The following TRIM3 variants were observed in gnomAD, a reference collection of about 807,000 sequenced individuals.
TRIM3 encodes tripartite motif-containing protein 3.
Under a neutral mutation model 66.6 loss-of-function variants are expected in TRIM3, and 13 were observed. The observed-to-expected ratio is 0.20, with a 90% CI of 0.13 to 0.31. The LOEUF is 0.31. TRIM3 is among the 10% of genes least tolerant of loss of function. The pLI, the probability that TRIM3 is intolerant of heterozygous loss-of-function variation, is 1.00. For synonymous variants in TRIM3, 406 were observed against 411.7 expected (o/e 0.99, Z 0.17); for missense variants, 711 against 1,020.4 (o/e 0.70, Z 4.13).
chr11:6,451,189 C>G, intron 8 of TRIM3, 82 bp downstream of exon 8: 2 of 1,593,724 alleles, frequency 1.3e-6, no homozygotes, highest in Non-Finnish European at 1.7e-6. Context: ...TTGGATCAGT[C>G]CAGACCCTGA....
At chr11:6,463,629 G>A (rs185781400) in intron 2 of TRIM3, among the ~76,000 whole-genome samples, 1 of 152,352 alleles carries the variant, frequency 6.6e-6, no homozygotes, top group East Asian at 1.9e-4. Flanking sequence ...GGGAAAAGAG[G>A]GAGCAGTCAA....
rs1060069 is a variant in TRIM3 at position 6,456,787 on chromosome 11, G to C, written c.939C>G (p.Gly313=). The C allele has an allele frequency of 7.9e-4, 1,274 of 1,612,348 alleles. 15 individuals carry two copies. The African/African-American group carries it at 9.0e-3, about 11-fold the overall frequency. ...DGLRRSVLNL[G]ALLTTSATAH... is the part of the protein sequence containing the mutation. Reference sequence around the variant, plus strand: ...CAGTGGCGCTCGTGGTGAGCAGTGCGCCCAGATTGAGCACCGATCGCCGCA... The same window carrying C: ...CAGTGGCGCTCGTGGTGAGCAGTGCCCCCAGATTGAGCACCGATCGCCGCA... The change falls in exon 6 of 12, where the codon GGC becomes GGG. Residue 313 remains glycine (G), a synonymous_variant. Coordinates refer to ENST00000345851, the MANE Select transcript of TRIM3 (RefSeq NM_033278.4). The surrounding 1 kb of genome is among the most constrained non-coding windows in gnomAD (Gnocchi z 6.4).
chr11:6,465,942 C>A (rs1262690430), intron 1 of TRIM3, among the ~76,000 whole-genome samples: 1 of 152,214 alleles, frequency 6.6e-6, no homozygotes, highest in Non-Finnish European at 1.5e-5. Flanking sequence ...GGGTTTCAAA[C>A]CTGGCTCAGT....
Position 6,457,475 on chromosome 11 carries a change from A to G in TRIM3, c.517T>C (p.Leu173=). 1 of 1,612,154 alleles carries G rather than the reference A, an allele frequency of 6.2e-7. No homozygotes were observed. Among genetic ancestry groups the G allele is most frequent in the South Asian group, 1.1e-5 (1 of 90,990 alleles). The stretch of plus-strand genomic sequence containing the variant: ...GCAATTGCTGCGGACAGCTGTGGCA[A>G]TCTGGAGGGGGAATATCTCATTCCA... The part of the protein sequence containing the change: ...QRQLEAVRGR[L]PQLSAAIALV... The change falls in exon 5 of 12, where the codon TTG becomes CTG. Residue 173 remains leucine (L), a splice_region_variant and synonymous_variant. Coordinates refer to ENST00000345851, the MANE Select transcript of TRIM3 (RefSeq NM_033278.4). This position sits in a 1 kb window ranked among gnomAD's most constrained non-coding sequence, Gnocchi z 4.5.
chr11:6,469,320 C>A (rs539412764), intron 1 of TRIM3, among the ~76,000 whole-genome samples: 12 of 152,264 alleles, frequency 7.9e-5, no homozygotes, highest in Non-Finnish European at 8.8e-5. Context: ...CTCCCCCACT[C>A]CTCCCCTTCC....
intron 7 of TRIM3, chr11:6,452,716 G>A (rs1050696483): frequency 1.3e-5 from 2 of 152,186 alleles, no homozygotes; most frequent in African/African-American, 2.4e-5. Context: ...TGAGCTCCAC[G>A]AGCTAAATAG....
intron 2 of TRIM3, 43 bp downstream of exon 2, chr11:6,465,522 C>T (rs374170222): frequency 1.9e-6 from 3 of 1,611,064 alleles, no homozygotes; most frequent in South Asian, 1.1e-5. Flanking sequence ...CCTCATCCTC[C>T]CCACAGGGTC....
At position 6,458,814 on chromosome 11, in the gene TRIM3, T is replaced by TG. The variant is rs145293689; in HGVS notation, c.132-519dup. 0.027 allele frequency among the ~76,000 whole-genome samples: 4,151 copies of TG among 152,318 alleles called. 196 individuals are homozygous for TG. The highest frequency in any genetic ancestry group is 0.095 in the African/African-American group (3,940 of 41,562). The stretch of plus-strand genomic sequence containing the variant: ...AGGCTGCCCAGGCCCAACACCCCGT[T>TG]GGTCACCTGTTATACTGTATGACCC... On this transcript the variant is annotated intron_variant, in intron 2 of 11. Coordinates refer to ENST00000345851, the MANE Select transcript of TRIM3 (RefSeq NM_033278.4). This position sits in a 1 kb window ranked among gnomAD's most constrained non-coding sequence, Gnocchi z 6.2.
At chr11:6,461,031 G>A (rs1326769656) in intron 2 of TRIM3, among the ~76,000 whole-genome samples, 4 of 149,000 alleles carry the variant, frequency 2.7e-5, no homozygotes, top group African/African-American at 4.9e-5. Context: ...TCAGCCTCCC[G>A]AGCAGCTGGG....
chr11:6,463,893 T>C (rs947749355), intron 2 of TRIM3, among the ~76,000 whole-genome samples: 3 of 152,122 alleles, frequency 2.0e-5, no homozygotes, highest in African/African-American at 7.2e-5. Flanking sequence ...ACTGAGGCCA[T>C]TTCCAGTTGA....
chr11:6,463,257 G>A (rs10839566), intron 2 of TRIM3, among the ~76,000 whole-genome samples: 69,258 of 151,968 alleles, frequency 0.46, 16,307 homozygotes, highest in Non-Finnish European at 0.5. Flanking sequence ...AAAATGAAAA[G>A]TTACATTAAA....
intron 1 of TRIM3, among the ~76,000 whole-genome samples, chr11:6,466,353 A>G (rs1850469758): frequency 6.6e-6 from 1 of 152,244 alleles, no homozygotes; most frequent in African/African-American, 2.4e-5. Context: ...CTCCTGGAAT[A>G]CAGCAATAGC....
chr11:6,451,560 A>G (rs1174930099), intron 7 of TRIM3, 122 bp from the exon 8 acceptor site: 5 of 1,082,380 alleles, frequency 4.6e-6, no homozygotes, highest in Non-Finnish European at 6.6e-6. Context: ...TCATTCAACA[A>G]GCACTTACTG....
chr11:6,452,358 T>C (rs961990047), intron 7 of TRIM3: 3 of 152,226 alleles, frequency 2.0e-5, no homozygotes, highest in Non-Finnish European at 4.4e-5. Flanking sequence ...AGTCAAAACA[T>C]TACTCACTAC....
Position 6,451,328 on chromosome 11 carries a change from A to T in TRIM3, c.1644T>A (p.Ile548=), listed in dbSNP as rs1255936455. ...GVAVDTNGDI[I]VADYDNRWVS... ...CCCAACGGTTGTCATAGTCTGCCAC[A>T]ATTATGTCTCCATTGGTGTCCACTG... Residue 548 remains isoleucine, a synonymous_variant, in exon 8 of 12, where the codon ATT becomes ATA. Coordinates refer to ENST00000345851, the MANE Select transcript of TRIM3 (RefSeq NM_033278.4). 1 of 1,614,164 alleles carries T rather than the reference A, an allele frequency of 6.2e-7. No homozygotes were observed. The highest frequency in any genetic ancestry group is 1.1e-5 in the South Asian group (1 of 91,086).
chr11:6,465,666 T>C lies in TRIM3; in HGVS notation c.30A>G (p.Pro10=), dbSNP rs1182388747. 6 of 1,614,162 alleles carry C rather than the reference T, an allele frequency of 3.7e-6. No individual in the cohort carries two copies. Among genetic ancestry groups the C allele is most frequent in the East Asian group, 2.2e-5 (1 of 44,870 alleles). ...ACTGCTTGTCCATTGGCTGGACCTC[T>C]GGGCCAGGGCTGTCCTCCCTCTTTG... is the stretch of plus-strand genomic sequence containing the variant. The part of the protein sequence containing the change: MAKREDSPG[P]EVQPMDKQFL... Residue 10 remains proline, a synonymous_variant, in exon 2 of 12, where the codon CCA becomes CCG. Transcript: ENST00000345851.
intron 1 of TRIM3, among the ~76,000 whole-genome samples, chr11:6,469,570 A>G (rs1327207295): frequency 1.3e-5 from 2 of 152,192 alleles, no homozygotes; most frequent in African/African-American, 2.4e-5. Context: ...GCCTTCTGCT[A>G]TCCCTGTATT....
At chr11:6,470,865 G>C (rs1016386296) in intron 1 of TRIM3, among the ~76,000 whole-genome samples, 18 of 152,230 alleles carry the variant, frequency 1.2e-4, no homozygotes, top group African/African-American at 4.3e-4. Flanking sequence ...CACAACCAGA[G>C]AAGCAAGAGA....
Position 6,457,741 on chromosome 11 carries a change from T to C in TRIM3, c.470A>G (p.Gln157Arg), listed in dbSNP as rs1292210898. 2 of 1,613,968 alleles carry C rather than the reference T, an allele frequency of 1.2e-6. No homozygotes were observed. Among genetic ancestry groups the C allele is most frequent in the Non-Finnish European group, 1.7e-6 (2 of 1,180,010 alleles). Residue 157 changes from glutamine (Q) to arginine (R), a missense_variant, in exon 4 of 12, where the codon CAG becomes CGG. This residue lies in a region of TRIM3 where 149 missense variants were observed against 240.3 expected (regional missense o/e 0.62). Transcript: ENST00000345851. The surrounding 1 kb of genome is among the most constrained non-coding windows in gnomAD (Gnocchi z 4.5). ...CTGGCGCTGCAGGGCCGCCTTGTGC[T>C]GCTCCACCACATCCCTCAGCAGCAC... ...GTVLLRDVVE[Q>R]HKAALQRQLE...
Sources: gnomAD v4.1 joint callset for allele counts (sites outside exome capture counted in the v4.1 genomes callset) on GRCh38, gnomAD v4.1.1 for gene constraint, gnomAD v4.1.1 regional missense constraint, Gnocchi (gnomAD v3.1) non-coding constraint, MANE v1.5 for transcripts, NCBI Gene and HGNC (gene_info 2026-07-23, HGNC 2026-07-21) for gene names.